The following CEACAM18 variants were observed in gnomAD, a reference collection of about 807,000 sequenced individuals.
CEACAM18 encodes CEA cell adhesion molecule 18.
A neutral mutation model predicts 34.3 loss-of-function variants in CEACAM18; 33 were observed. The observed-to-expected ratio is 0.96, with a 90% CI of 0.73 to 1.29. The LOEUF is 1.29. Ranked by LOEUF, CEACAM18 falls within the 50% of genes most tolerant of loss-of-function variation. The probability of loss-of-function intolerance (pLI) is 0.00; values close to 1 mark genes in which losing one functional copy is unlikely to be tolerated. For synonymous variants in CEACAM18, 169 were observed against 180.9 expected, an observed-to-expected ratio of 0.93 and a Z score of 0.53; for missense variants, 474 against 485.0, an observed-to-expected ratio of 0.98 and a Z score of 0.21.
At chr19:51,485,437 A>T (rs1487362459) in intron 5 of CEACAM18, among the ~76,000 whole-genome samples, 1 of 152,230 alleles carries the variant, frequency 6.6e-6, no homozygotes, top group Non-Finnish European at 1.5e-5. Context: ...CTGCATGTCA[A>T]TTCCTGGTAC....
intron 3 of CEACAM18, among the ~76,000 whole-genome samples, chr19:51,482,077 C>A (rs1467338648): frequency 2.0e-5 from 3 of 152,134 alleles, no homozygotes; most frequent in African/African-American, 7.2e-5. Flanking sequence ...TTAGTATAGT[C>A]CCTGTCACTC....
chr19:51,484,943 T>C (rs1989975241), intron 4 of CEACAM18, 44 bp from the exon 5 acceptor site: 1 of 1,534,902 alleles, frequency 6.5e-7, no homozygotes, highest in African/African-American at 1.4e-5. Context: ...AATGCATGAA[T>C]GGGTCAATCG....
At chr19:51,478,956 A>ACACATG (rs1989860770) in intron 1 of CEACAM18, among the ~76,000 whole-genome samples, 1 of 102,606 alleles carries the variant, frequency 9.7e-6, no homozygotes, top group Non-Finnish European at 2.1e-5. Flanking sequence ...ACGCACATGC[A>ACACATG]CACACACACA....
At chr19:51,484,802 T>C (rs1989973337) in intron 4 of CEACAM18, among the ~76,000 whole-genome samples, 185 bp from the exon 5 acceptor site, 1 of 148,298 alleles carries the variant, frequency 6.7e-6, no homozygotes. Flanking sequence ...AGCTAGAATG[T>C]CAGGCCCATG....
chr19:51,481,776 C>G (rs1989920882), intron 3 of CEACAM18, 111 bp downstream of exon 3: 1 of 1,137,004 alleles, frequency 8.8e-7, no homozygotes, highest in Non-Finnish European at 1.2e-6. Context: ...CCTGGGCCAG[C>G]CTGCAGCCAG....
Position 51,486,727 on chromosome 19 carries a change from T to C in CEACAM18, c.1089+1605T>C, listed in dbSNP as rs1044608435. The stretch of plus-strand genomic sequence containing the variant: ...CTTTCTTTCTTTCTTTTCTTTCTTT[T>C]TTTTTTTTTATATGGAGTCTCTCTC... On this transcript the variant is annotated intron_variant, in intron 5 of 5. Transcript: ENST00000396477. 1.9e-4 allele frequency among the ~76,000 whole-genome samples: 28 copies of C among 151,236 alleles called. 1 individual carries two copies. Among genetic ancestry groups the C allele is most frequent in the East Asian group, 3.9e-4 (2 of 5,176 alleles).
chr19:51,481,305 C>T, intron 2 of CEACAM18, 88 bp from the exon 3 acceptor site: 1 of 1,428,420 alleles, frequency 7.0e-7, no homozygotes, highest in South Asian at 1.3e-5. Context: ...GGCTTCTCTC[C>T]AACATGCCCA....
intron 5 of CEACAM18, among the ~76,000 whole-genome samples, chr19:51,489,528 G>A (rs989203326): frequency 3.9e-5 from 6 of 151,934 alleles, no homozygotes; most frequent in African/African-American, 1.5e-4. Flanking sequence ...ACGTGTATGC[G>A]TTTTCACTAT....
At chr19:51,481,727 G>T in intron 3 of CEACAM18, 62 bp downstream of exon 3, 1 of 1,528,864 alleles carries the variant, frequency 6.5e-7, no homozygotes, top group Non-Finnish European at 8.8e-7. Context: ...CTAGGGATAG[G>T]AATATGTTAG....
At chr19:51,488,447 C>T (rs1316773007) in intron 5 of CEACAM18, among the ~76,000 whole-genome samples, 6 of 152,192 alleles carry the variant, frequency 3.9e-5, no homozygotes, top group African/African-American at 1.4e-4. Context: ...AGGCTGACTC[C>T]CTGCTATCTC....
Position 51,483,834 on chromosome 19 carries a change from C to T in CEACAM18, c.953+538C>T, listed in dbSNP as rs139106051. 1.5e-3 allele frequency among the ~76,000 whole-genome samples: 225 copies of T among 152,274 alleles called. 1 individual carries two copies. Among genetic ancestry groups the T allele is most frequent in the African/African-American group, 3.7e-3 (154 of 41,550 alleles). ...GAGTAGAGATTTGGCATGGCCATGGCGTCAGAAACTTGGCTTGGGAGTGAA... is the reference window on the plus strand; with the variant it reads ...GAGTAGAGATTTGGCATGGCCATGGTGTCAGAAACTTGGCTTGGGAGTGAA... On this transcript the variant is annotated intron_variant, in intron 4 of 5. Coordinates refer to ENST00000396477, the Ensembl canonical transcript of CEACAM18.
intron 4 of CEACAM18, among the ~76,000 whole-genome samples, chr19:51,484,573 C>G (rs958990993): frequency 8.2e-6 from 1 of 122,176 alleles, no homozygotes; most frequent in Non-Finnish European, 1.9e-5. Flanking sequence ...CCACCTTGGG[C>G]GAGCTTTCTG....
intron 4 of CEACAM18, 126 bp downstream of exon 4, chr19:51,483,422 A>T: frequency 8.7e-7 from 1 of 1,142,874 alleles, no homozygotes; most frequent in Non-Finnish European, 1.3e-6. Context: ...CTCTGGGTGA[A>T]ATCTCCCAGT....
At chr19:51,489,750 G>T (rs1040091413) in intron 5 of CEACAM18, among the ~76,000 whole-genome samples, 3 of 152,170 alleles carry the variant, frequency 2.0e-5, no homozygotes, top group African/African-American at 7.2e-5. Context: ...CTCCTATGGG[G>T]ATAAAGTAAG....
exon 6 of CEACAM18, chr19:51,490,885 T>C: frequency 2.7e-6 from 1 of 368,680 alleles, no homozygotes. Flanking sequence ...GGTCAATGGG[T>C]TGCAGGTCGG....
At chr19:51,490,475 C>A in intron 5 of CEACAM18, 112 bp from the exon 6 acceptor site, 1 of 921,136 alleles carries the variant, frequency 1.1e-6, no homozygotes, top group Non-Finnish European at 1.4e-6. Context: ...GTGAGGAAGA[C>A]TTAGGCTTGG....
chr19:51,486,058 T>G (rs1989994348), intron 5 of CEACAM18, among the ~76,000 whole-genome samples: 2 of 152,128 alleles, frequency 1.3e-5, no homozygotes, highest in Admixed American at 1.3e-4. Context: ...ATAGTGGGAA[T>G]GGCAATGATG....
intron 5 of CEACAM18, among the ~76,000 whole-genome samples, chr19:51,485,354 C>A (rs558931932): frequency 6.6e-6 from 1 of 152,320 alleles, no homozygotes; most frequent in Non-Finnish European, 1.5e-5. Context: ...TTTCTTCTAG[C>A]AACTTCCCTT....
chr19:51,480,419 G>A (rs61743859), exon 2 of CEACAM18: 373,720 of 1,612,408 alleles, frequency 0.23, 44,509 homozygotes, highest in Middle Eastern at 0.31. Context: ...TCGGACTGTC[G>A]TGGCCCTGGA....
Sources: allele counts gnomAD v4.1 joint callset (sites outside exome capture counted in the v4.1 genomes callset), GRCh38; gene constraint gnomAD v4.1.1; transcripts MANE v1.5; gene names NCBI Gene and HGNC (gene_info 2026-07-23, HGNC 2026-07-21).